Variants in LOC400499 observed in about 807,000 individuals in gnomAD.
At chr16:11,455,016 T>A in the LOC400499 span, among the ~76,000 whole-genome samples, 1 of 152,208 alleles carries the variant, frequency 6.6e-6, no homozygotes, top group Non-Finnish European at 1.5e-5. Context: ...AACAATCTGA[T>A]GTGTCTGACC....
chr16:11,376,765 C>T, the LOC400499 span, among the ~76,000 whole-genome samples: 2 of 152,082 alleles, frequency 1.3e-5, no homozygotes, highest in African/African-American at 4.8e-5. Context: ...TACGCTAAAC[C>T]TGTAGATCAC....
the LOC400499 span, chr16:11,518,895 C>CT: frequency 2.5e-6 from 1 of 399,076 alleles, no homozygotes. Context: ...GGCCAAGTGT[C>CT]TTACCTCAGG....
the LOC400499 span, among the ~76,000 whole-genome samples, chr16:11,430,246 G>A: frequency 2.6e-5 from 4 of 152,106 alleles, no homozygotes; most frequent in Admixed American, 6.5e-5. Context: ...CAGCACTTTG[G>A]GAGTGGAGGC....
At chr16:11,380,714 C>A in the LOC400499 span, 4 of 151,992 alleles carry the variant, frequency 2.6e-5, no homozygotes, top group Non-Finnish European at 4.4e-5. Flanking sequence ...AAAAAATAAA[C>A]CCTAAGGGAG....
the LOC400499 span, among the ~76,000 whole-genome samples, chr16:11,412,501 G>C: frequency 1.3e-4 from 20 of 152,322 alleles, no homozygotes; most frequent in Middle Eastern, 3.4e-3. Context: ...CTAGAGCCTG[G>C]CTGGTGGCCC....
the LOC400499 span, among the ~76,000 whole-genome samples, chr16:11,509,015 T>C: frequency 2.0e-5 from 3 of 152,068 alleles, no homozygotes; most frequent in Admixed American, 6.5e-5. Context: ...AGCAGCGTCA[T>C]TGCAAACAGC....
At chr16:11,440,410 C>T in the LOC400499 span, among the ~76,000 whole-genome samples, 1 of 152,238 alleles carries the variant, frequency 6.6e-6, no homozygotes, top group African/African-American at 2.4e-5. Flanking sequence ...ATTCTCCACT[C>T]TCTGTCCCTC....
the LOC400499 span, among the ~76,000 whole-genome samples, chr16:11,517,392 G>C: frequency 6.6e-6 from 1 of 152,084 alleles, no homozygotes. Context: ...TTTATTTCTA[G>C]ACACAGCTAT....
At chr16:11,526,784 T>C in the LOC400499 span, among the ~76,000 whole-genome samples, 1 of 152,182 alleles carries the variant, frequency 6.6e-6, no homozygotes, top group African/African-American at 2.4e-5. Context: ...TGATCTCGGC[T>C]CACTGCAGCC....
At chr16:11,455,891 G>C in the LOC400499 span, among the ~76,000 whole-genome samples, 5 of 151,828 alleles carry the variant, frequency 3.3e-5, no homozygotes, top group Non-Finnish European at 7.4e-5. Flanking sequence ...ACGTAGTTCA[G>C]GTCTACACAA....
chr16:11,483,874 A>C, the LOC400499 span, among the ~76,000 whole-genome samples: 1 of 151,944 alleles, frequency 6.6e-6, no homozygotes, highest in Admixed American at 6.6e-5. Flanking sequence ...GACTGTCTCA[A>C]AAAAAAGGAC....
chr16:11,461,230 G>A, the LOC400499 span: 5 of 1,335,594 alleles, frequency 3.7e-6, no homozygotes, highest in African/African-American at 7.4e-5. Context: ...GGGGTTGGGG[G>A]CTCCTTGAAG....
At chr16:11,426,616 A>G in the LOC400499 span, among the ~76,000 whole-genome samples, 1 of 151,908 alleles carries the variant, frequency 6.6e-6, no homozygotes, top group African/African-American at 2.4e-5. Context: ...AAGAAAAAAA[A>G]AAACCTAAAT....
At chr16:11,377,261 C>G in the LOC400499 span, among the ~76,000 whole-genome samples, 3 of 152,160 alleles carry the variant, frequency 2.0e-5, no homozygotes, top group Admixed American at 2.0e-4. Context: ...ATGCAGTGTT[C>G]AGGATTTTCG....
At chr16:11,410,378 G>A in the LOC400499 span, among the ~76,000 whole-genome samples, 4 of 152,084 alleles carry the variant, frequency 2.6e-5, no homozygotes, top group Non-Finnish European at 4.4e-5. Flanking sequence ...CGCTTGAACC[G>A]GGGAGGCGGA....
chr16:11,398,701 C>G, the LOC400499 span, among the ~76,000 whole-genome samples: 1 of 151,880 alleles, frequency 6.6e-6, no homozygotes, highest in South Asian at 2.1e-4. Flanking sequence ...GCTCTATAGC[C>G]CAGGCTGGAG....
At chr16:11,509,489 G>A in the LOC400499 span, among the ~76,000 whole-genome samples, 85,083 of 151,566 alleles carry the variant, frequency 0.56, 24,649 homozygotes, top group Admixed American at 0.65. Context: ...CCAAGCCATC[G>A]AGTGACCAAG....
chr16:11,394,306 C>G, the LOC400499 span, among the ~76,000 whole-genome samples: 5 of 152,274 alleles, frequency 3.3e-5, no homozygotes, highest in East Asian at 9.7e-4. Context: ...GGGAAAGAGG[C>G]TCAGAGGCCC....
the LOC400499 span, among the ~76,000 whole-genome samples, chr16:11,401,014 C>T: frequency 6.6e-6 from 1 of 152,192 alleles, no homozygotes; most frequent in East Asian, 1.9e-4. Flanking sequence ...ACCTGTTTCC[C>T]ACATTAAAAT....
Sources: gnomAD v4.1 joint callset for allele counts (sites outside exome capture counted in the v4.1 genomes callset) on GRCh38, gnomAD v4.1.1 for gene constraint, MANE v1.5 for transcripts.